Variants in OR9Q1 observed in about 807,000 individuals in gnomAD.
The protein encoded by OR9Q1 is olfactory receptor family 9 subfamily Q member 1, also known as olfactory receptor 9Q1.
For missense variants in OR9Q1, 374 were observed against 378.8 expected, an observed-to-expected ratio of 0.99 and a Z score of 0.11; for synonymous variants, 153 against 148.6, an observed-to-expected ratio of 1.03 and a Z score of -0.22.
At chr11:58,149,139 C>T (rs1242307160) in intron 2 of OR9Q1, among the ~76,000 whole-genome samples, 1 of 152,182 alleles carries the variant, frequency 6.6e-6, no homozygotes, top group Non-Finnish European at 1.5e-5. Context: ...TATCTAAACT[C>T]TTTCTAATTC....
At chr11:58,071,843 A>G (rs1853490670) in intron 2 of OR9Q1, among the ~76,000 whole-genome samples, 1 of 152,222 alleles carries the variant, frequency 6.6e-6, no homozygotes. Context: ...TAAATTCATA[A>G]CCATTACTAC....
chr11:58,082,770 T>TAATAA (rs201952586), intron 2 of OR9Q1, among the ~76,000 whole-genome samples: 46 of 95,988 alleles, frequency 4.8e-4, no homozygotes, highest in Admixed American at 1.5e-3. Flanking sequence ...ATAATAATAA[T>TAATAA]AAAAAGTTAG....
intron 1 of OR9Q1, among the ~76,000 whole-genome samples, chr11:58,054,978 T>C (rs12790525): frequency 0.22 from 32,777 of 152,082 alleles, 4,076 homozygotes; most frequent in Middle Eastern, 0.38. Context: ...CAAATATATG[T>C]GTGTGTGTTG....
chr11:58,047,358 C>T (rs1262884646), intron 1 of OR9Q1: 1 of 152,174 alleles, frequency 6.6e-6, no homozygotes, highest in South Asian at 2.1e-4. Context: ...GCGCTGTCAT[C>T]CAACAGAAGC....
intron 2 of OR9Q1, among the ~76,000 whole-genome samples, chr11:58,114,837 G>A (rs190740052): frequency 2.9e-4 from 44 of 152,320 alleles, no homozygotes; most frequent in African/African-American, 1.0e-3. Context: ...GCCAGCTAGA[G>A]GTTGTGTGGG....
intron 2 of OR9Q1, among the ~76,000 whole-genome samples, chr11:58,064,389 T>A (rs1853409014): frequency 6.6e-6 from 1 of 152,184 alleles, no homozygotes; most frequent in East Asian, 1.9e-4. Flanking sequence ...CAGGCTGCAC[T>A]TTGTCATTGT....
At chr11:58,037,872 C>A (rs1345690079) in intron 1 of OR9Q1, among the ~76,000 whole-genome samples, 1 of 143,538 alleles carries the variant, frequency 7.0e-6, no homozygotes, top group Non-Finnish European at 1.5e-5. Context: ...GTGGCTGCCA[C>A]CACGCCTGGC....
chr11:58,048,488 TA>T (rs1403871867), intron 1 of OR9Q1, among the ~76,000 whole-genome samples: 1 of 76,380 alleles, frequency 1.3e-5, no homozygotes. Flanking sequence ...CCACCTCTAC[TA>T]AAAATACAAA....
chr11:58,123,085 A>G (rs766756495), intron 2 of OR9Q1, among the ~76,000 whole-genome samples: 2 of 152,102 alleles, frequency 1.3e-5, no homozygotes, highest in Non-Finnish European at 2.9e-5. Flanking sequence ...CAGCCCTTTA[A>G]GCAGATATTA....
chr11:58,088,746 GCT>G (rs1250668852), intron 2 of OR9Q1, among the ~76,000 whole-genome samples: 16 of 151,732 alleles, frequency 1.1e-4, no homozygotes, highest in African/African-American at 3.9e-4. Context: ...AGGGTAGCTT[GCT>G]AAAATTTTCT....
intron 2 of OR9Q1, among the ~76,000 whole-genome samples, chr11:58,113,841 C>T (rs2120115384): frequency 6.6e-6 from 1 of 151,684 alleles, no homozygotes; most frequent in South Asian, 2.1e-4. Context: ...AATTGGAAAG[C>T]ACATTGAATA....
chr11:58,136,659 G>T (rs1281240179), intron 2 of OR9Q1, among the ~76,000 whole-genome samples: 1 of 152,196 alleles, frequency 6.6e-6, no homozygotes, highest in Non-Finnish European at 1.5e-5. Context: ...TTCTTGGAGA[G>T]AACCAAACTT....
chr11:58,156,233 C>T (rs1854406468), intron 2 of OR9Q1, among the ~76,000 whole-genome samples: 1 of 152,216 alleles, frequency 6.6e-6, no homozygotes, highest in South Asian at 2.1e-4. Context: ...ATCTTTTGTG[C>T]ATTTCTTGAT....
intron 2 of OR9Q1, among the ~76,000 whole-genome samples, chr11:58,084,943 G>A (rs1218928178): frequency 2.0e-5 from 3 of 151,742 alleles, no homozygotes; most frequent in Non-Finnish European, 4.4e-5. Context: ...CCTAGCCAGA[G>A]CAATCAGGCA....
intron 2 of OR9Q1, among the ~76,000 whole-genome samples, chr11:58,066,367 A>G (rs1207593667): frequency 1.3e-5 from 2 of 152,072 alleles, no homozygotes; most frequent in Admixed American, 6.5e-5. Flanking sequence ...GCAGGATAGG[A>G]CATGTGGATT....
At chr11:58,026,369 C>T (rs1405500318) in intron 1 of OR9Q1, among the ~76,000 whole-genome samples, 1 of 152,050 alleles carries the variant, frequency 6.6e-6, no homozygotes, top group South Asian at 2.1e-4. Context: ...TTCAATGGTA[C>T]ATGTGCAGGC....
intron 1 of OR9Q1, among the ~76,000 whole-genome samples, chr11:58,034,771 T>TTCCTTCCTTCCTTCCTTCC: frequency 1.1e-5 from 1 of 94,470 alleles, no homozygotes; most frequent in Non-Finnish European, 2.2e-5. Context: ...TCCTTCCTTC[T>TTCCTTCCTTCCTTCCTTCC]TCCTTCCCTC....
intron 1 of OR9Q1, chr11:58,031,426 C>T (rs1203234684): frequency 6.2e-7 from 1 of 1,614,150 alleles, no homozygotes; most frequent in Non-Finnish European, 8.5e-7. Context: ...TAGGTTTCCT[C>T]ACACCCATCT....
chr11:58,181,054 C>T lies in OR9Q1; in HGVS notation c.*677C>T, dbSNP rs1344095270. 1 of 167,046 alleles carries T rather than the reference C, an allele frequency of 6.0e-6. No homozygotes were observed. Among genetic ancestry groups the T allele is most frequent in the Non-Finnish European group, 1.5e-5 (1 of 68,108 alleles). 10.3% of individuals were successfully genotyped at this position (167,046 alleles called of 1,614,324 possible). On this transcript the variant is annotated 3_prime_UTR_variant, in exon 3 of 3. Coordinates refer to ENST00000335397, the MANE Select transcript of OR9Q1 (RefSeq NM_001005212.4). ...ATGCCTTAATATTCTGGTAGTAGTTCTCAAGAAGGCCTCACACAAACTTTT... is the reference window on the plus strand; with the variant it reads ...ATGCCTTAATATTCTGGTAGTAGTTTTCAAGAAGGCCTCACACAAACTTTT...
Sources: gnomAD v4.1 joint callset for allele counts (sites outside exome capture counted in the v4.1 genomes callset) on GRCh38, gnomAD v4.1.1 for gene constraint, MANE v1.5 for transcripts, NCBI Gene and HGNC (gene_info 2026-07-23, HGNC 2026-07-21) for gene names.